UTRN: variants seen among roughly 807,000 people sequenced by gnomAD.
UTRN encodes utrophin, also known as dystrophin-related protein 1.
Under a neutral mutation model 463.9 loss-of-function variants are expected in UTRN, and 283 were observed. The observed-to-expected ratio is 0.61, with a 90% CI of 0.55 to 0.67. The LOEUF is 0.67. Ranked by LOEUF, UTRN falls within the 30% of genes least tolerant of loss-of-function variation. The pLI is 0.00. For synonymous variants in UTRN, 1,442 were observed against 1,431.5 expected (o/e 1.01, Z -0.17); for missense variants, 3,922 against 4,084.3 (o/e 0.96, Z 1.08).
At chr6:144,726,228 G>C (rs1357939426) in intron 53 of UTRN, among the ~76,000 whole-genome samples, 1 of 152,154 alleles carries the variant, frequency 6.6e-6, no homozygotes, top group Non-Finnish European at 1.5e-5. Context: ...GTGAGTCTCA[G>C]TGCATAGGAA....
At chr6:144,305,825 A>G (rs1197682944) in intron 2 of UTRN, among the ~76,000 whole-genome samples, 1 of 152,240 alleles carries the variant, frequency 6.6e-6, no homozygotes, top group Non-Finnish European at 1.5e-5. Context: ...CAGTTCCTGG[A>G]CGGATGCTCA....
Position 144,612,943 on chromosome 6 carries a change from AAAC to A in UTRN, c.7479+35664_7479+35666del, listed in dbSNP as rs548797592. Among the ~76,000 whole-genome samples, 665 of 152,226 alleles carry A rather than the reference AAAC, an allele frequency of 4.4e-3. 3 individuals are homozygous for A. The highest frequency in any genetic ancestry group is 0.015 in the African/African-American group (642 of 41,556). ...ATTATTCACAATAGCCAAGATATGG[AAAC>A]AACAACAAAACATCCATTAACAGAT... On this transcript the variant is annotated intron_variant, in intron 51 of 74. Coordinates refer to ENST00000367545, the MANE Select transcript of UTRN (RefSeq NM_007124.3).
At chr6:144,508,137 C>T (rs1220322864) in intron 34 of UTRN, among the ~76,000 whole-genome samples, 1 of 152,110 alleles carries the variant, frequency 6.6e-6, no homozygotes, top group Non-Finnish European at 1.5e-5. Context: ...GTCCTGGCAG[C>T]GAGAATTTCC....
chr6:144,767,752 AT>A lies in UTRN; in HGVS notation c.8496-4148del, dbSNP rs372272716. 1.3e-3 allele frequency among the ~76,000 whole-genome samples: 204 copies of A among 152,020 alleles called. 1 individual carries two copies. The highest frequency in any genetic ancestry group is 1.5e-3 in the Non-Finnish European group (101 of 67,956). The stretch of plus-strand genomic sequence containing the variant: ...TTACTTTGCACAGCAAAGAAGAAAT[AT>A]TTTTTTCTTTGATTGTCTTATCTCA... On this transcript the variant is annotated intron_variant, in intron 58 of 74. Coordinates refer to ENST00000367545, the MANE Select transcript of UTRN (RefSeq NM_007124.3).
chr6:144,361,332 T>C (rs549591027), intron 2 of UTRN, among the ~76,000 whole-genome samples: 2 of 152,328 alleles, frequency 1.3e-5, no homozygotes, highest in South Asian at 2.1e-4. Context: ...TATGTGTTGC[T>C]CTACTAATTT....
At chr6:144,612,343 C>T (rs1341702131) in intron 51 of UTRN, among the ~76,000 whole-genome samples, 1 of 151,640 alleles carries the variant, frequency 6.6e-6, no homozygotes, top group African/African-American at 2.4e-5. Flanking sequence ...GGCCGTTCAC[C>T]AGCAAAAATA....
intron 27 of UTRN, 44 bp downstream of exon 27, chr6:144,482,432 A>ATTG (rs1238890824): frequency 8.7e-7 from 1 of 1,153,664 alleles, no homozygotes; most frequent in African/African-American, 1.7e-5. Context: ...TATTATTATT[A>ATTG]TTATTATTAT....
chr6:144,837,266 CTG>C (rs1165967181), intron 71 of UTRN: 1 of 152,202 alleles, frequency 6.6e-6, no homozygotes, highest in African/African-American at 2.4e-5. Flanking sequence ...TTGAAAAACA[CTG>C]TTCTTTGAGA....
intron 65 of UTRN, among the ~76,000 whole-genome samples, chr6:144,815,867 G>A (rs1444944178): frequency 6.6e-6 from 1 of 152,206 alleles, no homozygotes; most frequent in Non-Finnish European, 1.5e-5. Flanking sequence ...CAAGTTGACA[G>A]TATTAACCAT....
chr6:144,802,781 G>C (rs1439652231), intron 64 of UTRN, among the ~76,000 whole-genome samples: 1 of 151,974 alleles, frequency 6.6e-6, no homozygotes, highest in Non-Finnish European at 1.5e-5. Context: ...TTTAAAATTT[G>C]ATGTTTCAAC....
At chr6:144,551,315 T>G (rs1798896666) in intron 48 of UTRN, among the ~76,000 whole-genome samples, 1 of 152,218 alleles carries the variant, frequency 6.6e-6, no homozygotes, top group South Asian at 2.1e-4. Flanking sequence ...ATTATTAACA[T>G]CACGACTCTT....
intron 65 of UTRN, among the ~76,000 whole-genome samples, chr6:144,810,422 G>A (rs1365018261): frequency 2.0e-5 from 3 of 152,270 alleles, no homozygotes; most frequent in Admixed American, 6.5e-5. Flanking sequence ...GATTCAAGGA[G>A]ATAGGTTGAA....
At chr6:144,310,679 G>A (rs1209393064) in intron 2 of UTRN, among the ~76,000 whole-genome samples, 1 of 152,192 alleles carries the variant, frequency 6.6e-6, no homozygotes, top group Non-Finnish European at 1.5e-5. Context: ...TGGGGAGGCT[G>A]AGGCACAAGA....
At chr6:144,699,450 AT>A (rs58021377) in intron 52 of UTRN, among the ~76,000 whole-genome samples, 18,594 of 136,356 alleles carry the variant, frequency 0.14, 1,791 homozygotes, top group Middle Eastern at 0.24. Context: ...AAAAAAAAAA[AT>A]AATAATAATA....
intron 3 of UTRN, among the ~76,000 whole-genome samples, chr6:144,412,155 C>T (rs1308800162): frequency 6.6e-6 from 1 of 152,132 alleles, no homozygotes; most frequent in Non-Finnish European, 1.5e-5. Context: ...CTAATTTTAT[C>T]ATTTTGCTTA....
chr6:144,351,368 C>A (rs945379866), intron 2 of UTRN, among the ~76,000 whole-genome samples: 8 of 152,164 alleles, frequency 5.3e-5, no homozygotes, highest in Non-Finnish European at 1.0e-4. Flanking sequence ...AGTGTGTCCT[C>A]GTCCTTCAAT....
chr6:144,748,683 T>C lies in UTRN; in HGVS notation c.8208+169T>C, dbSNP rs9390207. Among the ~76,000 whole-genome samples, 510 of 152,322 alleles carry C rather than the reference T, an allele frequency of 3.3e-3. 18 individuals carry two copies. In the East Asian group the frequency reaches 0.079, roughly 23 times the overall value. On this transcript the variant is annotated intron_variant, in intron 55 of 74. Coordinates refer to ENST00000367545, the MANE Select transcript of UTRN (RefSeq NM_007124.3). ...ACAGGTGCTTTCCATATGACCCTCA[T>C]TGGGGTTCATTGGAACCCCCTGCCC... is the stretch of plus-strand genomic sequence containing the variant.
chr6:144,554,731 T>A lies in UTRN; in HGVS notation c.6972T>A (p.Val2324=). 3.1e-6 allele frequency: 5 copies of A among 1,614,072 alleles called. No homozygotes were observed. The highest frequency in any genetic ancestry group is 4.2e-6 in the Non-Finnish European group (5 of 1,179,964). ...AGTGGGATGGCACCCAGCATGGCGT[T>A]GAGCTAAGACAGCAGCAGCTTGAGG... The part of the protein sequence containing the change: ...KNQWDGTQHG[V]ELRQQQLEDM... Residue 2324 remains valine, a synonymous_variant, in exon 49 of 75, where the codon GTT becomes GTA. Coordinates refer to ENST00000367545, the MANE Select transcript of UTRN (RefSeq NM_007124.3).
intron 3 of UTRN, among the ~76,000 whole-genome samples, chr6:144,410,011 CT>C (rs1305042165): frequency 6.6e-6 from 1 of 152,102 alleles, no homozygotes; most frequent in Non-Finnish European, 1.5e-5. Context: ...CTAGATGTGC[CT>C]TGTTGTGATA....
Sources: allele counts gnomAD v4.1 joint callset (sites outside exome capture counted in the v4.1 genomes callset), GRCh38; gene constraint gnomAD v4.1.1; transcripts MANE v1.5; gene names NCBI Gene and HGNC (gene_info 2026-07-23, HGNC 2026-07-21).